The following F13A1 variants were observed in gnomAD, a reference collection of about 807,000 sequenced individuals.
F13A1 encodes FSF, A subunit.
A neutral mutation model predicts 80.1 loss-of-function variants in F13A1; 47 were observed. That is an observed-to-expected ratio of 0.59 (90% CI 0.46 to 0.75). The LOEUF is 0.75. Ranked by LOEUF, F13A1 falls within the 30% of genes least tolerant of loss-of-function variation. The probability of loss-of-function intolerance (pLI) is 0.00; values close to 1 mark genes in which losing one functional copy is unlikely to be tolerated. For missense variants in F13A1, 817 were observed against 930.4 expected (o/e 0.88, Z 1.59); for synonymous variants, 349 against 344.9 (o/e 1.01, Z -0.13).
At chr6:6,254,742 A>C (rs911151755) in intron 4 of F13A1, among the ~76,000 whole-genome samples, 3 of 152,220 alleles carry the variant, frequency 2.0e-5, no homozygotes, top group African/African-American at 7.2e-5. Context: ...AATATATTCA[A>C]TTAATTGCCA....
chr6:6,294,151 T>G (rs1758279421), intron 3 of F13A1, among the ~76,000 whole-genome samples: 1 of 152,182 alleles, frequency 6.6e-6, no homozygotes, highest in Non-Finnish European at 1.5e-5. Flanking sequence ...TGGTTAATAC[T>G]GTCAACTTGA....
intron 10 of F13A1, among the ~76,000 whole-genome samples, chr6:6,188,371 T>C (rs1216675051): frequency 7.0e-6 from 1 of 142,096 alleles, no homozygotes; most frequent in African/African-American, 2.7e-5. Flanking sequence ...GTGCTATAAA[T>C]TTCCCTCTAC....
At chr6:6,184,003 G>A (rs1406339656) in intron 10 of F13A1, among the ~76,000 whole-genome samples, 1 of 152,142 alleles carries the variant, frequency 6.6e-6, no homozygotes, top group East Asian at 1.9e-4. Flanking sequence ...TATATCCCTA[G>A]GTTTTAAAGT....
intron 7 of F13A1, among the ~76,000 whole-genome samples, chr6:6,223,683 C>CT (rs531438073): frequency 9.3e-4 from 137 of 147,534 alleles, no homozygotes; most frequent in East Asian, 2.0e-3. Flanking sequence ...AAACTCATGA[C>CT]TTTTTTTTTT....
In F13A1 at chr6:6,243,553, G is replaced by C. The variant is rs1221718640; in HGVS notation, c.798+4759C>G. Among the ~76,000 whole-genome samples, 1 of 152,114 alleles carries C rather than the reference G, an allele frequency of 6.6e-6. No individual in the cohort carries two copies. Among genetic ancestry groups the C allele is most frequent in the Admixed American group, 6.5e-5 (1 of 15,274 alleles). ...TCCCTTGGGGCTCTCTTCTTTTCTA[G>C]GAAATGGCAATTCAATCTTACATAA... is the stretch of plus-strand genomic sequence containing the variant. On this transcript the variant is annotated intron_variant, in intron 6 of 14. Transcript: ENST00000264870. The surrounding 1 kb of genome is among the most constrained non-coding windows in gnomAD (Gnocchi z 4.2).
chr6:6,291,655 G>A (rs768810372), intron 3 of F13A1, among the ~76,000 whole-genome samples: 1 of 152,148 alleles, frequency 6.6e-6, no homozygotes, highest in African/African-American at 2.4e-5. Flanking sequence ...CTCGTGGATT[G>A]AGTGACACTG....
At chr6:6,304,674 C>G (rs2113182471) in intron 3 of F13A1, among the ~76,000 whole-genome samples, 1 of 152,084 alleles carries the variant, frequency 6.6e-6, no homozygotes, top group African/African-American at 2.4e-5. Flanking sequence ...CCAGCCTGGA[C>G]AACATGGTGA....
At chr6:6,182,432 C>T (rs3024482) in intron 10 of F13A1, among the ~76,000 whole-genome samples, 2,068 of 152,292 alleles carry the variant, frequency 0.014, 28 homozygotes, top group South Asian at 0.042. Flanking sequence ...CTACCTCTCA[C>T]AGGAGAGAAG....
At chr6:6,174,509 G>T in intron 12 of F13A1, 71 bp downstream of exon 12, 3 of 1,510,500 alleles carry the variant, frequency 2.0e-6, no homozygotes, top group Non-Finnish European at 9.2e-7. Flanking sequence ...AAGCTATAAC[G>T]GGCATTAACA....
chr6:6,205,965 T>G (rs1350951390), intron 8 of F13A1, among the ~76,000 whole-genome samples: 1 of 152,174 alleles, frequency 6.6e-6, no homozygotes, highest in Non-Finnish European at 1.5e-5. Context: ...CCCTACCCCC[T>G]TTTACCACTC....
intron 8 of F13A1, among the ~76,000 whole-genome samples, chr6:6,203,648 T>A (rs554736369): frequency 6.6e-6 from 1 of 152,346 alleles, no homozygotes; most frequent in East Asian, 1.9e-4. Context: ...ATTGCAGTTA[T>A]CTGAGACCCT....
At chr6:6,152,722 T>A (rs1760400910) in intron 13 of F13A1, among the ~76,000 whole-genome samples, 1 of 152,206 alleles carries the variant, frequency 6.6e-6, no homozygotes, top group African/African-American at 2.4e-5. Flanking sequence ...TAGAATGCTC[T>A]TATTATTACT....
chr6:6,276,184 GC>G (rs1301233507), intron 3 of F13A1, among the ~76,000 whole-genome samples: 1 of 152,204 alleles, frequency 6.6e-6, no homozygotes, highest in Admixed American at 6.5e-5. Flanking sequence ...TCCACAGGAA[GC>G]CATGTTCCCA....
At chr6:6,204,598 G>GTC (rs1761454298) in intron 8 of F13A1, among the ~76,000 whole-genome samples, 1 of 152,186 alleles carries the variant, frequency 6.6e-6, no homozygotes, top group African/African-American at 2.4e-5. Flanking sequence ...GGGCAGTGGG[G>GTC]ATAGGATGGG....
intron 2 of F13A1, among the ~76,000 whole-genome samples, chr6:6,313,809 A>G (rs937050028): frequency 2.0e-5 from 3 of 152,126 alleles, no homozygotes; most frequent in South Asian, 2.1e-4. Context: ...TGTTGTTATT[A>G]ATACATCCTG....
At chr6:6,153,363 C>T (rs1760416581) in intron 13 of F13A1, among the ~76,000 whole-genome samples, 1 of 152,170 alleles carries the variant, frequency 6.6e-6, no homozygotes, top group Admixed American at 6.5e-5. Context: ...TCATTACACA[C>T]TGTATGCATG....
At chr6:6,228,590 TG>T (rs1757308798) in intron 6 of F13A1, among the ~76,000 whole-genome samples, 1 of 151,920 alleles carries the variant, frequency 6.6e-6, no homozygotes, top group African/African-American at 2.4e-5. Context: ...AAAAACTAGC[TG>T]GGCATAGTGG....
chr6:6,247,309 C>A (rs1442122406), intron 6 of F13A1, among the ~76,000 whole-genome samples: 2 of 152,128 alleles, frequency 1.3e-5, no homozygotes, highest in African/African-American at 2.4e-5. Flanking sequence ...TCAAACATAA[C>A]ATTCTTTCAA....
chr6:6,218,041 G>T (rs1179013319), intron 8 of F13A1, among the ~76,000 whole-genome samples: 1 of 152,124 alleles, frequency 6.6e-6, no homozygotes, highest in Non-Finnish European at 1.5e-5. Context: ...CTGTGGGTGG[G>T]TGCATTCCGG....
Sources: gnomAD v4.1 joint callset for allele counts (sites outside exome capture counted in the v4.1 genomes callset) on GRCh38, gnomAD v4.1.1 for gene constraint, Gnocchi (gnomAD v3.1) non-coding constraint, MANE v1.5 for transcripts, NCBI Gene and HGNC (gene_info 2026-07-23, HGNC 2026-07-21) for gene names.